Variants in ARHGAP15 observed in about 807,000 individuals in gnomAD.
ARHGAP15 encodes rho GTPase-activating protein 15.
Under a neutral mutation model 63.7 loss-of-function variants are expected in ARHGAP15, and 51 were observed. The observed-to-expected ratio is 0.80, with a 90% CI of 0.64 to 1.01. The LOEUF is 1.01. Ranked by LOEUF, ARHGAP15 falls within the 50% of genes least tolerant of loss-of-function variation. The pLI is 0.00. For missense variants in ARHGAP15, 560 were observed against 564.6 expected (o/e 0.99, Z 0.08); for synonymous variants, 191 against 193.8 (o/e 0.99, Z 0.12).
chr2:143,360,884 T>G (rs978831993), intron 6 of ARHGAP15, among the ~76,000 whole-genome samples: 4 of 152,234 alleles, frequency 2.6e-5, no homozygotes, highest in African/African-American at 7.2e-5. Context: ...CTTAATGTTT[T>G]ATGTTCTAAA....
intron 2 of ARHGAP15, among the ~76,000 whole-genome samples, chr2:143,160,772 C>A (rs1690261256): frequency 6.6e-6 from 1 of 151,886 alleles, no homozygotes; most frequent in African/African-American, 2.4e-5. Flanking sequence ...CTTGTCCATG[C>A]CACCCTTTGC....
intron 2 of ARHGAP15, among the ~76,000 whole-genome samples, chr2:143,165,994 G>GAAAGAAAGAA (rs1482974356): frequency 7.7e-6 from 1 of 129,830 alleles, no homozygotes; most frequent in Non-Finnish European, 1.6e-5. Flanking sequence ...AAGAAAGAAA[G>GAAAGAAAGAA]AAAGAAAGAA....
chr2:143,305,230 G>GA (rs1683112302), intron 6 of ARHGAP15: 1 of 144,822 alleles, frequency 6.9e-6, no homozygotes, highest in South Asian at 2.2e-4. Flanking sequence ...CACAGGAAGA[G>GA]AAAACAAAAC....
intron 6 of ARHGAP15, among the ~76,000 whole-genome samples, chr2:143,372,346 A>AT (rs919908415): frequency 7.0e-5 from 7 of 100,150 alleles, no homozygotes; most frequent in Admixed American, 3.4e-4. Context: ...GGAGTAGTCG[A>AT]TTTAAAAAAA....
Position 143,430,016 on chromosome 2 carries a change from A to T in ARHGAP15, c.475-5585A>T, listed in dbSNP as rs566246780. Among the ~76,000 whole-genome samples the T allele has an allele frequency of 6.6e-5, 10 of 152,118 alleles. No homozygotes were observed. The South Asian group carries it at 1.9e-3, about 28-fold the overall frequency. ...TGTGTGCCAATTAAAACAAAAATGG[A>T]TCCCTAGTGGCTTGTTCCTCATACA... is the stretch of plus-strand genomic sequence containing the variant. On this transcript the variant is annotated intron_variant, in intron 6 of 13. Transcript: ENST00000295095.
chr2:143,268,166 TAG>T (rs1170953572), intron 6 of ARHGAP15, among the ~76,000 whole-genome samples: 1 of 151,128 alleles, frequency 6.6e-6, no homozygotes, highest in Non-Finnish European at 1.5e-5. Context: ...ACTAATTTTA[TAG>T]AGTGTAGTTT....
chr2:143,670,498 A>T (rs1682463591), intron 12 of ARHGAP15, among the ~76,000 whole-genome samples: 1 of 152,140 alleles, frequency 6.6e-6, no homozygotes. Context: ...CCAATTCTTC[A>T]CAGCAGCATA....
At chr2:143,217,145 C>T (rs1692787424) in intron 4 of ARHGAP15, among the ~76,000 whole-genome samples, 1 of 152,102 alleles carries the variant, frequency 6.6e-6, no homozygotes, top group Non-Finnish European at 1.5e-5. Context: ...AGAGACAAGG[C>T]ATTTACTCTT....
At chr2:143,666,014 A>G (rs1201342534) in intron 12 of ARHGAP15, among the ~76,000 whole-genome samples, 2 of 151,026 alleles carry the variant, frequency 1.3e-5, no homozygotes, top group Non-Finnish European at 3.0e-5. Flanking sequence ...TACAGATTCA[A>G]TGCCAACCCC....
At chr2:143,602,677 G>A (rs114295870) in intron 11 of ARHGAP15, among the ~76,000 whole-genome samples, 1,830 of 152,206 alleles carry the variant, frequency 0.012, 36 homozygotes, top group African/African-American at 0.043. Context: ...AGGAAGAAAA[G>A]AGAGATTCTC....
intron 6 of ARHGAP15, among the ~76,000 whole-genome samples, chr2:143,356,651 C>CT: frequency 6.6e-6 from 1 of 152,214 alleles, no homozygotes; most frequent in African/African-American, 2.4e-5. Flanking sequence ...AAAAGAAACG[C>CT]TTACCTTTAA....
Position 143,657,720 on chromosome 2 carries a change from C to T in ARHGAP15, c.1138+33453C>T, listed in dbSNP as rs117793272. ...GTCATTCCACCTATGTCTATCATAT[C>T]GCTTATTGCTTAATTCAGATTTTAA... On this transcript the variant is annotated intron_variant, in intron 12 of 13. Transcript: ENST00000295095. 1.2e-3 allele frequency among the ~76,000 whole-genome samples: 184 copies of T among 152,268 alleles called. 1 individual carries two copies. In the East Asian group the frequency reaches 0.032, roughly 27 times the overall value.
chr2:143,493,927 G>C lies in ARHGAP15; in HGVS notation c.826+6432G>C, dbSNP rs1406802752. ...AAAATTCCATTGCCTGTCCAACACT[G>C]AGTTGCAGATTCCGCTCTTAAAATT... On this transcript the variant is annotated intron_variant, in intron 9 of 13. Transcript: ENST00000295095. Among the ~76,000 whole-genome samples the C allele has an allele frequency of 3.9e-5, 6 of 152,316 alleles. No individual in the cohort carries two copies. The South Asian group carries it at 6.2e-4, about 16-fold the overall frequency.
At chr2:143,338,001 C>A (rs1366441198) in intron 6 of ARHGAP15, among the ~76,000 whole-genome samples, 1 of 152,114 alleles carries the variant, frequency 6.6e-6, no homozygotes, top group Non-Finnish European at 1.5e-5. Flanking sequence ...CTCAAATGTA[C>A]CTTTAATGTG....
At chr2:143,232,678 A>G (rs1356344909) in intron 5 of ARHGAP15, among the ~76,000 whole-genome samples, 1 of 152,116 alleles carries the variant, frequency 6.6e-6, no homozygotes, top group Non-Finnish European at 1.5e-5. Context: ...TCCCTTTGTC[A>G]TCATAGCCTC....
chr2:143,521,666 A>G (rs5022663), intron 10 of ARHGAP15, among the ~76,000 whole-genome samples: 41,985 of 152,058 alleles, frequency 0.28, 6,169 homozygotes, highest in African/African-American at 0.38. Context: ...CTGATGGACC[A>G]GTTATGGGAA....
chr2:143,225,885 A>G (rs1396739407), intron 4 of ARHGAP15, among the ~76,000 whole-genome samples: 2 of 152,222 alleles, frequency 1.3e-5, no homozygotes, highest in Non-Finnish European at 2.9e-5. Flanking sequence ...ATCATGGGAA[A>G]AAATCGAGAT....
intron 13 of ARHGAP15, among the ~76,000 whole-genome samples, chr2:143,740,200 A>C (rs1685909171): frequency 6.6e-6 from 1 of 152,214 alleles, no homozygotes; most frequent in African/African-American, 2.4e-5. Flanking sequence ...ATATACATGA[A>C]TCTACAAGAT....
At chr2:143,505,113 G>A (rs1478510480) in intron 9 of ARHGAP15, among the ~76,000 whole-genome samples, 1 of 152,176 alleles carries the variant, frequency 6.6e-6, no homozygotes, top group Non-Finnish European at 1.5e-5. Context: ...CAGAGTACAT[G>A]TGCCATTTGC....
Sources: gnomAD v4.1 joint callset for allele counts (sites outside exome capture counted in the v4.1 genomes callset) on GRCh38, gnomAD v4.1.1 for gene constraint, MANE v1.5 for transcripts, NCBI Gene and HGNC (gene_info 2026-07-23, HGNC 2026-07-21) for gene names.